SVOP: variants seen among roughly 807,000 people sequenced by gnomAD.
The protein encoded by SVOP is synaptic vesicle 2-related protein.
A neutral mutation model predicts 69.1 loss-of-function variants in SVOP; 17 were observed. The ratio of observed to expected loss-of-function variants is 0.25; its 90% CI spans 0.17 to 0.37. SVOP has a LOEUF of 0.37. Ranked by LOEUF, SVOP falls within the 10% of genes least tolerant of loss-of-function variation. SVOP has a pLI of 1.00. For missense variants in SVOP, 435 were observed against 597.5 expected (o/e 0.73, Z 2.84); for synonymous variants, 238 against 238.6 (o/e 1.00, Z 0.02).
chr12:109,003,347 C>T (rs1344710162), intron 1 of SVOP, among the ~76,000 whole-genome samples: 1 of 152,194 alleles, frequency 6.6e-6, no homozygotes, highest in African/African-American at 2.4e-5. Context: ...ACAACAGCAA[C>T]TATTGACCGT....
chr12:108,918,658 G>A (rs1219948654), intron 13 of SVOP, among the ~76,000 whole-genome samples: 1 of 152,114 alleles, frequency 6.6e-6, no homozygotes, highest in Non-Finnish European at 1.5e-5. Flanking sequence ...ATCAATAGAG[G>A]CATAAGCCAT....
At chr12:108,937,033 G>T (rs1241391942) in intron 10 of SVOP, 1 of 516,024 alleles carries the variant, frequency 1.9e-6, no homozygotes, top group Middle Eastern at 5.4e-4. Flanking sequence ...CTGCACTCCA[G>T]CCTGCACGGT....
intron 1 of SVOP, among the ~76,000 whole-genome samples, chr12:109,010,785 G>A (rs1327572152): frequency 6.6e-6 from 1 of 152,026 alleles, no homozygotes; most frequent in Non-Finnish European, 1.5e-5. Context: ...TATAGACAAC[G>A]GCCATTGCAC....
chr12:109,017,325 G>T (rs1002011749), intron 1 of SVOP, among the ~76,000 whole-genome samples: 1 of 152,104 alleles, frequency 6.6e-6, no homozygotes, highest in African/African-American at 2.4e-5. Context: ...AGGTGGAATG[G>T]TTTTATCCTG....
At chr12:108,941,908 A>AC (rs1192590734) in intron 7 of SVOP, among the ~76,000 whole-genome samples, 3 of 149,372 alleles carry the variant, frequency 2.0e-5, no homozygotes, top group East Asian at 2.0e-4. Context: ...CATGGGATCC[A>AC]CCCCCCTCGG....
At chr12:109,004,122 G>A (rs928545640) in intron 1 of SVOP, among the ~76,000 whole-genome samples, 1 of 151,720 alleles carries the variant, frequency 6.6e-6, no homozygotes, top group Non-Finnish European at 1.5e-5. Context: ...TTTCCTGAGG[G>A]GAAAAAAAAG....
chr12:108,931,600 G>A (rs1566050119), intron 11 of SVOP, among the ~76,000 whole-genome samples: 1 of 152,166 alleles, frequency 6.6e-6, no homozygotes, highest in Non-Finnish European at 1.5e-5. Flanking sequence ...TCGGGAGGCC[G>A]AGGTGGGTGG....
intron 1 of SVOP, among the ~76,000 whole-genome samples, chr12:109,006,310 C>T (rs1351699247): frequency 1.3e-5 from 2 of 152,286 alleles, no homozygotes; most frequent in East Asian, 3.9e-4. Flanking sequence ...ACCTGGGCCT[C>T]CCAAAGTGCT....
chr12:108,916,407 T>C (rs1271989641), intron 14 of SVOP, among the ~76,000 whole-genome samples: 1 of 152,200 alleles, frequency 6.6e-6, no homozygotes, highest in Non-Finnish European at 1.5e-5. Context: ...CGAGAAGGAC[T>C]CCATGGCCCT....
chr12:109,003,635 G>T (rs1359449617), intron 1 of SVOP, among the ~76,000 whole-genome samples: 1 of 151,992 alleles, frequency 6.6e-6, no homozygotes, highest in Non-Finnish European at 1.5e-5. Flanking sequence ...TTGAGACATG[G>T]TCTTGCTCTG....
intron 11 of SVOP, among the ~76,000 whole-genome samples, chr12:108,928,183 T>C (rs1185046239): frequency 1.3e-5 from 2 of 151,944 alleles, no homozygotes; most frequent in African/African-American, 2.4e-5. Flanking sequence ...GGATTACAGG[T>C]GTGAGCCACC....
chr12:108,937,331 G>A lies in SVOP; in HGVS notation c.904C>T (p.Arg302Ter), dbSNP rs2039862559. ...GKLIISRQED[R>*]GKMRDLFTPH... ...GTGAAAAGGTCCCTCATTTTGCCTCGGTCTTCCTGTTTCAAAACAAGGACA... is the reference window on the plus strand; with the variant it reads ...GTGAAAAGGTCCCTCATTTTGCCTCAGTCTTCCTGTTTCAAAACAAGGACA... Residue 302 changes from arginine (R) to a stop codon, truncating the protein, a stop_gained, in exon 10 of 16, where the codon CGA becomes TGA. Coordinates refer to ENST00000610966, the MANE Select transcript of SVOP (RefSeq NM_018711.5). LOFTEE classifies it high-confidence loss of function. 4 of 1,613,750 alleles carry A rather than the reference G, an allele frequency of 2.5e-6. No individual in the cohort carries two copies. Among genetic ancestry groups the A allele is most frequent in the African/African-American group, 1.3e-5 (1 of 74,982 alleles).
At chr12:109,019,776 G>C (rs1028639424) in intron 1 of SVOP, among the ~76,000 whole-genome samples, 10 of 152,204 alleles carry the variant, frequency 6.6e-5, no homozygotes, top group Middle Eastern at 3.4e-3. Context: ...TACTCTGATT[G>C]AAAAGTAAAC....
intron 1 of SVOP, among the ~76,000 whole-genome samples, chr12:109,012,986 T>G (rs2135632440): frequency 6.6e-6 from 1 of 152,334 alleles, no homozygotes; most frequent in Non-Finnish European, 1.5e-5. Context: ...CTATGTCTGG[T>G]CTTTCCAGGT....
chr12:108,945,930 A>C (rs2039919908), intron 6 of SVOP, among the ~76,000 whole-genome samples: 1 of 151,990 alleles, frequency 6.6e-6, no homozygotes, highest in Non-Finnish European at 1.5e-5. Context: ...TCTCCACCCT[A>C]AGTTATAATT....
At position 108,978,018 on chromosome 12, in the gene SVOP, T is replaced by G. The variant is rs536557012; in HGVS notation, c.283-522A>C. The stretch of plus-strand genomic sequence containing the variant: ...GACAGACTAGGACAGACATGGAATC[T>G]AGAAGCATGCCCATGTCTTGGGAAT... On this transcript the variant is annotated intron_variant, in intron 3 of 15. Transcript: ENST00000610966. 5.1e-4 allele frequency among the ~76,000 whole-genome samples: 77 copies of G among 152,296 alleles called. 1 individual carries two copies. The highest frequency in any genetic ancestry group is 1.8e-3 in the African/African-American group (74 of 41,554).
chr12:108,922,682 T>C lies in SVOP; in HGVS notation c.1156+8A>G. The C allele has an allele frequency of 6.3e-7, 1 of 1,592,716 alleles. No individual in the cohort carries two copies. The highest frequency in any genetic ancestry group is 1.1e-5 in the South Asian group (1 of 88,170). On this transcript the variant is annotated splice_region_variant and intron_variant, in intron 12 of 15. Coordinates refer to ENST00000610966, the MANE Select transcript of SVOP (RefSeq NM_018711.5). ...CTGACACAGCTTCACCTTGCACAGG[T>C]CCCTCACCTGGAAACTCAGAGAGGG...
At chr12:108,951,674 C>T (rs964131358) in intron 6 of SVOP, among the ~76,000 whole-genome samples, 2 of 152,136 alleles carry the variant, frequency 1.3e-5, no homozygotes, top group Non-Finnish European at 2.9e-5. Context: ...GTACCAGAAA[C>T]GCCGTGGATA....
intron 6 of SVOP, among the ~76,000 whole-genome samples, chr12:108,951,211 G>A (rs746516488): frequency 6.6e-5 from 10 of 152,202 alleles, no homozygotes; most frequent in Non-Finnish European, 1.3e-4. Flanking sequence ...AGCTACCTGA[G>A]GTACTGTCTT....
Sources: gnomAD v4.1 joint callset for allele counts (sites outside exome capture counted in the v4.1 genomes callset) on GRCh38, gnomAD v4.1.1 for gene constraint, MANE v1.5 for transcripts, NCBI Gene and HGNC (gene_info 2026-07-23, HGNC 2026-07-21) for gene names.